SLC12A1: variants seen among roughly 807,000 people sequenced by gnomAD.
SLC12A1 encodes solute carrier family 12 member 1.
A neutral mutation model predicts 130.4 loss-of-function variants in SLC12A1; 89 were observed. That is an observed-to-expected ratio of 0.68 (90% CI 0.58 to 0.81). The LOEUF is 0.81. Ranked by LOEUF, SLC12A1 falls within the 40% of genes least tolerant of loss-of-function variation. The pLI is 0.00. For synonymous variants in SLC12A1, 499 were observed against 460.0 expected, an observed-to-expected ratio of 1.08 and a Z score of -1.09; for missense variants, 1,310 against 1,336.4, an observed-to-expected ratio of 0.98 and a Z score of 0.31.
At chr15:48,283,410 C>T (rs1419609340) in intron 20 of SLC12A1, among the ~76,000 whole-genome samples, 1 of 152,238 alleles carries the variant, frequency 6.6e-6, no homozygotes, top group Non-Finnish European at 1.5e-5. Flanking sequence ...TTTCAAAAGT[C>T]AGGGGTAAGC....
chr15:48,221,442 A>G, intron 4 of SLC12A1: 1 of 691,236 alleles, frequency 1.4e-6, no homozygotes. Flanking sequence ...GAATTGTTGA[A>G]CTTTTTCCAA....
chr15:48,266,445 C>CTTT (rs67628277), intron 17 of SLC12A1, among the ~76,000 whole-genome samples: 2 of 144,424 alleles, frequency 1.4e-5, no homozygotes, highest in Non-Finnish European at 3.0e-5. Flanking sequence ...AAAGCCTGGG[C>CTTT]TTTTTTTTTT....
At chr15:48,226,667 G>A (rs913392074) in intron 5 of SLC12A1, 96 bp downstream of exon 5, 18 of 762,194 alleles carry the variant, frequency 2.4e-5, no homozygotes, top group Admixed American at 1.8e-4. Flanking sequence ...GAAGTAGCCC[G>A]ATGTTCTTGA....
At chr15:48,220,131 G>A (rs3050701) in intron 2 of SLC12A1, among the ~76,000 whole-genome samples, 10,162 of 97,288 alleles carry the variant, frequency 0.1, 561 homozygotes, top group Non-Finnish European at 0.15. Context: ...AAAAAAAAAG[G>A]TAGATAGATA....
At chr15:48,221,025 T>G in intron 4 of SLC12A1, 29 bp downstream of exon 4, 1 of 1,596,152 alleles carries the variant, frequency 6.3e-7, no homozygotes, top group Non-Finnish European at 8.6e-7. Flanking sequence ...CTAAATAATT[T>G]TGCATGTAAA....
intron 9 of SLC12A1, among the ~76,000 whole-genome samples, chr15:48,239,760 C>T (rs555712251): frequency 5.9e-5 from 9 of 151,422 alleles, no homozygotes; most frequent in African/African-American, 1.4e-4. Flanking sequence ...AAGTGATTCT[C>T]GTGCCTCAGT....
At chr15:48,257,100 G>A (rs541730187) in intron 16 of SLC12A1, among the ~76,000 whole-genome samples, 40 of 152,310 alleles carry the variant, frequency 2.6e-4, no homozygotes, top group Admixed American at 1.5e-3. Context: ...ATGCAAGTCC[G>A]AAATCCAGTG....
intron 20 of SLC12A1, among the ~76,000 whole-genome samples, chr15:48,281,441 G>A (rs928960782): frequency 1.3e-5 from 2 of 152,214 alleles, no homozygotes; most frequent in African/African-American, 2.4e-5. Flanking sequence ...CGGAAATACA[G>A]AGGAGATTGA....
At chr15:48,221,360 G>C (rs935833842) in intron 4 of SLC12A1, 1 of 701,534 alleles carries the variant, frequency 1.4e-6, no homozygotes. Context: ...TGGCATGATT[G>C]GTAAAACTTC....
intron 20 of SLC12A1, among the ~76,000 whole-genome samples, chr15:48,279,813 T>A (rs1010122184): frequency 6.6e-6 from 1 of 152,214 alleles, no homozygotes; most frequent in South Asian, 2.1e-4. Flanking sequence ...GATACTGCTG[T>A]GTCTGATCAA....
intron 4 of SLC12A1, chr15:48,226,004 A>T (rs76950416): frequency 2.1e-6 from 1 of 477,908 alleles, no homozygotes; most frequent in African/African-American, 2.1e-5. Flanking sequence ...CACAGGCTCT[A>T]ACAGTTCACC....
chr15:48,295,699 GA>G (rs111585152), intron 24 of SLC12A1, among the ~76,000 whole-genome samples: 4,551 of 151,874 alleles, frequency 0.03, 111 homozygotes, highest in African/African-American at 0.065. Context: ...AAAATGCAGG[GA>G]AAAAAAATCC....
chr15:48,274,415 A>G (rs897764474), intron 19 of SLC12A1, among the ~76,000 whole-genome samples, 156 bp from the exon 20 acceptor site: 1 of 152,228 alleles, frequency 6.6e-6, no homozygotes, highest in African/African-American at 2.4e-5. Context: ...GGGAAGAACA[A>G]ACAAACAAAC....
chr15:48,224,586 G>A (rs758645909), intron 4 of SLC12A1: 3 of 152,214 alleles, frequency 2.0e-5, no homozygotes, highest in Admixed American at 2.0e-4. Context: ...ATAAGAGCTT[G>A]TCAGCAAAGC....
chr15:48,247,184 CA>C (rs2041592651), intron 12 of SLC12A1, among the ~76,000 whole-genome samples, 152 bp from the exon 13 acceptor site: 1 of 152,198 alleles, frequency 6.6e-6, no homozygotes, highest in African/African-American at 2.4e-5. Flanking sequence ...AAGATCGATT[CA>C]AATAATATAA....
chr15:48,250,707 C>CACAG (rs1555383567), intron 14 of SLC12A1, among the ~76,000 whole-genome samples: 13 of 151,058 alleles, frequency 8.6e-5, no homozygotes, highest in African/African-American at 3.2e-4. Context: ...CACACACACA[C>CACAG]GGACGGGAAG....
chr15:48,260,259 CATAATAATA>C (rs199909192), intron 17 of SLC12A1, among the ~76,000 whole-genome samples: 23 of 145,968 alleles, frequency 1.6e-4, no homozygotes, highest in Admixed American at 7.5e-4. Flanking sequence ...AGCAAGACTC[CATAATAATA>C]ATAATAATAA....
intron 9 of SLC12A1, among the ~76,000 whole-genome samples, chr15:48,239,058 T>C (rs2041471195): frequency 6.6e-6 from 1 of 152,078 alleles, no homozygotes; most frequent in African/African-American, 2.4e-5. Flanking sequence ...GAAGTTTAGG[T>C]TTTGGGTTAC....
At chr15:48,231,085 A>G (rs1309457142) in intron 7 of SLC12A1, among the ~76,000 whole-genome samples, 2 of 152,146 alleles carry the variant, frequency 1.3e-5, no homozygotes, top group Non-Finnish European at 2.9e-5. Flanking sequence ...AAATATTCCT[A>G]CGAGCCTGTG....
Sources: gnomAD v4.1 joint callset for allele counts (sites outside exome capture counted in the v4.1 genomes callset) on GRCh38, gnomAD v4.1.1 for gene constraint, MANE v1.5 for transcripts, NCBI Gene and HGNC (gene_info 2026-07-23, HGNC 2026-07-21) for gene names.